The following XPNPEP2 variants were observed in gnomAD, a reference collection of about 807,000 sequenced individuals.
The protein encoded by XPNPEP2 is X-prolyl aminopeptidase 2.
In XPNPEP2, 64 loss-of-function variants were observed where a neutral mutation model predicts 59.8. The observed-to-expected ratio is 1.07, with a 90% CI of 0.87 to 1.32. The LOEUF is 1.32. Among genes scored for constraint, XPNPEP2 ranks in the 40% most tolerant of loss-of-function variants. The pLI is 0.00. For missense variants in XPNPEP2, 575 were observed against 546.8 expected (o/e 1.05, Z -0.51); for synonymous variants, 235 against 210.0 (o/e 1.12, Z -1.03).
chrX:129,752,305 C>T lies in XPNPEP2; in HGVS notation c.977C>T (p.Thr326Ile). The T allele has an allele frequency of 8.3e-7, 1 of 1,211,726 alleles. No individual in the cohort carries two copies. The highest frequency in any genetic ancestry group is 1.1e-6 in the Non-Finnish European group (1 of 895,522). The part of the protein sequence containing the change: ...SLGDVRIWIG[T>I]SYTMYGIYEM... ...GGAGATGTGAGGATCTGGATTGGGA[C>T]CAGCTATACCATGTATGGGATCTAT... The change falls in exon 10 of 21, where the codon ACC (threonine) becomes ATC (isoleucine). Residue 326 changes from threonine to isoleucine, a missense_variant. Transcript: ENST00000371106.
intron 14 of XPNPEP2, among the ~76,000 whole-genome samples, chrX:129,757,897 A>G (rs201253260): frequency 0.016 from 184 of 11,734 alleles, 1 homozygote; most frequent in Admixed American, 0.056. Context: ...GAGAGAGAGA[A>G]AGAAAGAAAG....
At chrX:129,745,375 A>C in intron 4 of XPNPEP2, 109 bp downstream of exon 4, 1 of 900,535 alleles carries the variant, frequency 1.1e-6, no homozygotes, top group Non-Finnish European at 1.6e-6. Flanking sequence ...AACCTACTGT[A>C]GAGAAAACCC....
chrX:129,740,090 C>T (rs1285235986), intron 1 of XPNPEP2, among the ~76,000 whole-genome samples: 1 of 112,860 alleles, frequency 8.9e-6, no homozygotes, highest in Middle Eastern at 4.6e-3. Context: ...CAGCCCTGGC[C>T]TCAGAGAACA....
At chrX:129,742,585 G>A (rs147247390) in intron 2 of XPNPEP2, among the ~76,000 whole-genome samples, 2,356 of 111,305 alleles carry the variant, frequency 0.021, 65 homozygotes, top group East Asian at 0.081. Flanking sequence ...CAGAAGGGAA[G>A]AGGGAGGAAG....
In XPNPEP2 at chrX:129,768,316, A is replaced by G; in HGVS notation, c.1856A>G (p.Gln619Arg). 1.7e-6 allele frequency: 2 copies of G among 1,192,410 alleles called. No individual in the cohort carries two copies. Among genetic ancestry groups the G allele is most frequent in the Non-Finnish European group, 2.3e-6 (2 of 887,288 alleles). Residue 619 changes from glutamine to arginine, a missense_variant, in exon 21 of 21, where the codon CAG becomes CGG. Transcript: ENST00000371106. The part of the protein sequence containing the change: ...EHLQYLNRYY[Q>R]TIREKVGPEL... ...CTCCAGTACCTGAATCGCTACTACC[A>G]GACCATCCGGGAGAAGGTGGGTCCA...
chrX:129,750,846 C>T (rs1017649626), intron 8 of XPNPEP2, among the ~76,000 whole-genome samples: 8 of 112,082 alleles, frequency 7.1e-5, no homozygotes, highest in African/African-American at 1.3e-4. Context: ...GCTTCTGTCC[C>T]ACTAAGGGGA....
chrX:129,761,907 C>T (rs1288028756), intron 17 of XPNPEP2, 99 bp from the exon 18 acceptor site: 4 of 838,530 alleles, frequency 4.8e-6, no homozygotes, highest in Non-Finnish European at 7.1e-6. Flanking sequence ...CATAGAGATG[C>T]TCTGGGATCC....
intron 1 of XPNPEP2, among the ~76,000 whole-genome samples, chrX:129,740,959 G>C (rs1344350190): frequency 9.3e-6 from 1 of 108,030 alleles, no homozygotes; most frequent in East Asian, 2.9e-4. Flanking sequence ...AAAAAGGAGG[G>C]GGGGCGGGGG....
intron 15 of XPNPEP2, 77 bp from the exon 16 acceptor site, chrX:129,760,435 A>G: frequency 9.4e-7 from 1 of 1,064,530 alleles, no homozygotes; most frequent in East Asian, 3.0e-5. Context: ...TGCACCGTGT[A>G]TCCATAGGCC....
At chrX:129,766,228 A>G (rs981935792) in intron 19 of XPNPEP2, among the ~76,000 whole-genome samples, 1 of 111,623 alleles carries the variant, frequency 9.0e-6, no homozygotes, top group Non-Finnish European at 1.9e-5. Flanking sequence ...TTTCCTTCAT[A>G]GCTTCTGGTC....
chrX:129,754,543 T>C lies in XPNPEP2; in HGVS notation c.1179T>C (p.Asp393=), dbSNP rs1359150503. ...LEKNVPKGTV[D]EFSGAEIVDK... is the part of the protein sequence containing the mutation. ...AGAACGTGCCCAAAGGCACAGTGGA[T>C]GAGTTCTCGGGGGCAGAGATCGTGG... Residue 393 remains aspartate (D), a synonymous_variant, in exon 12 of 21, where the codon GAT becomes GAC. Coordinates refer to ENST00000371106, the MANE Select transcript of XPNPEP2 (RefSeq NM_003399.6). 8.4e-7 allele frequency: 1 copy of C among 1,194,245 alleles called. No homozygotes were observed. Among genetic ancestry groups the C allele is most frequent in the Non-Finnish European group, 1.1e-6 (1 of 887,106 alleles).
chrX:129,767,376 A>G (rs1440481737), intron 19 of XPNPEP2, among the ~76,000 whole-genome samples: 1 of 111,751 alleles, frequency 8.9e-6, no homozygotes, highest in Non-Finnish European at 1.9e-5. Flanking sequence ...CTAAGTCTAA[A>G]TTTCCAGAAT....
chrX:129,759,164 T>C lies in XPNPEP2; in HGVS notation c.1368-16T>C. ...TAGCCCCAGGCATTTGGCATGTTGG[T>C]TTTCCTTCTCCATAGGGACGGGACC... On this transcript the variant is annotated splice_polypyrimidine_tract_variant and intron_variant, in intron 14 of 20. Transcript: ENST00000371106. 8.3e-7 allele frequency: 1 copy of C among 1,210,851 alleles called. No individual in the cohort carries two copies.
chrX:129,743,829 C>G, intron 2 of XPNPEP2, 132 bp from the exon 3 acceptor site: 1 of 564,660 alleles, frequency 1.8e-6, no homozygotes, highest in South Asian at 2.8e-5. Context: ...CCAGGCCAGC[C>G]TAACTTCCCC....
Position 129,762,730 on chromosome X carries a change from G to A in XPNPEP2, c.1700G>A (p.Arg567His), listed in dbSNP as rs776998600. ...GYYKDGEFGI[R>H]LEDVALVVEA... is the part of the protein sequence containing the mutation. ...TATAAGGATGGAGAATTTGGGATCC[G>A]TCTCGAAGATGTGGCTCTCGTGGTA... The change falls in exon 19 of 21, where the codon CGT becomes CAT. Residue 567 changes from arginine to histidine, a missense_variant. Transcript: ENST00000371106. 8.3e-6 allele frequency: 10 copies of A among 1,210,342 alleles called. No homozygotes were observed. The highest frequency in any genetic ancestry group is 3.5e-5 in the South Asian group (2 of 56,891).
chrX:129,755,185 G>C, intron 12 of XPNPEP2, 109 bp from the exon 13 acceptor site: 1 of 749,731 alleles, frequency 1.3e-6, no homozygotes, highest in Non-Finnish European at 2.0e-6. Context: ...ATGGTGTCCA[G>C]TTGAGAGGTA....
chrX:129,758,845 C>T (rs1002458906), intron 14 of XPNPEP2, among the ~76,000 whole-genome samples: 7 of 111,931 alleles, frequency 6.3e-5, no homozygotes, highest in African/African-American at 2.3e-4. Context: ...CTTTCTGCCT[C>T]CCAGGAAGCC....
At position 129,757,021 on chromosome X, in the gene XPNPEP2, TATAC is replaced by T. The variant is rs200236357; in HGVS notation, c.1367+468_1367+471del. On this transcript the variant is annotated intron_variant, in intron 14 of 20. Coordinates refer to ENST00000371106, the MANE Select transcript of XPNPEP2 (RefSeq NM_003399.6). ...CTATATATATATATATATATATATA[TATAC>T]ACACACACACACATATATATATACA... Among the ~76,000 whole-genome samples the T allele has an allele frequency of 2.9e-3, 233 of 81,438 alleles. 1 individual carries two copies. The highest frequency in any genetic ancestry group is 0.013 in the African/African-American group (193 of 15,429). The allele number at this position is 81,438 out of a possible 115,157, so 70.7% of individuals were successfully genotyped here. A position where few individuals can be genotyped will look rare whatever the true frequency, so the allele number is the denominator to read the frequency against.
intron 14 of XPNPEP2, among the ~76,000 whole-genome samples, chrX:129,757,858 A>AG (rs1556393851): frequency 2.7e-5 from 2 of 74,735 alleles, no homozygotes; most frequent in South Asian, 1.4e-3. Flanking sequence ...AAAGAAAGAA[A>AG]GAGGGAGAGA....
Sources: allele counts gnomAD v4.1 joint callset (sites outside exome capture counted in the v4.1 genomes callset), GRCh38; gene constraint gnomAD v4.1.1; transcripts MANE v1.5; gene names NCBI Gene and HGNC (gene_info 2026-07-23, HGNC 2026-07-21).